The following SLC24A4 variants were observed in gnomAD, a reference collection of about 807,000 sequenced individuals.
SLC24A4 encodes the protein solute carrier family 24 member 4.
Under a neutral mutation model 79.0 loss-of-function variants are expected in SLC24A4, and 53 were observed. That is an observed-to-expected ratio of 0.67 (90% confidence interval 0.54 to 0.84). The LOEUF is 0.84. Among genes scored for constraint, SLC24A4 ranks in the 40% least tolerant of loss-of-function variants. The probability of loss-of-function intolerance (pLI) is 0.00; values close to 1 mark genes in which losing one functional copy is unlikely to be tolerated. For missense variants in SLC24A4, 731 were observed against 822.0 expected, an observed-to-expected ratio of 0.89 and a Z score of 1.35; for synonymous variants, 323 against 323.8, an observed-to-expected ratio of 1.00 and a Z score of 0.03.
At position 92,325,911 on chromosome 14, in the gene SLC24A4, G is replaced by T. The variant is rs941646; in HGVS notation, c.174G>T (p.Thr58=). Residue 58 remains threonine, a synonymous_variant, in exon 2 of 17, where the codon ACG becomes ACT. Transcript: ENST00000532405. The stretch of plus-strand genomic sequence containing the variant: ...CTAGCAAACGTGTCCTGCCAGACAC[G>T]TGGAGAAATAGAAAGTTGATGGCCC... ...ASASKRVLPD[T]WRNRKLMAPV... is the part of the protein sequence containing the mutation. 7 of 1,612,876 alleles carry T rather than the reference G, an allele frequency of 4.3e-6. No homozygotes were observed. The highest frequency in any genetic ancestry group is 5.9e-6 in the Non-Finnish European group (7 of 1,179,512).
At chr14:92,343,089 C>T (rs968936328) in intron 2 of SLC24A4, among the ~76,000 whole-genome samples, 1 of 152,248 alleles carries the variant, frequency 6.6e-6, no homozygotes, top group Non-Finnish European at 1.5e-5. Flanking sequence ...CTGTCCGAGA[C>T]AGCTGCCTGG....
Position 92,325,864 on chromosome 14 carries a change from C to G in SLC24A4, c.131-4C>G. 6.3e-7 allele frequency: 1 copy of G among 1,594,708 alleles called. No homozygotes were observed. The highest frequency in any genetic ancestry group is 2.2e-5 in the East Asian group (1 of 44,810). Reference sequence around the variant, plus strand: ...TGGTATCTGTGACTTATTTTCCAATCCAGGGCACAAAACAGCTTCTGCTAG... The same window carrying G: ...TGGTATCTGTGACTTATTTTCCAATGCAGGGCACAAAACAGCTTCTGCTAG... On this transcript the variant is annotated splice_region_variant and splice_polypyrimidine_tract_variant and intron_variant, in intron 1 of 16. Coordinates refer to ENST00000532405, the MANE Select transcript of SLC24A4 (RefSeq NM_153646.4).
chr14:92,378,430 C>T (rs1431553933), intron 2 of SLC24A4, among the ~76,000 whole-genome samples: 1 of 152,124 alleles, frequency 6.6e-6, no homozygotes, highest in Non-Finnish European at 1.5e-5. Flanking sequence ...TGCATCCTGA[C>T]CAACATTTCT....
intron 12 of SLC24A4, among the ~76,000 whole-genome samples, chr14:92,459,246 C>T (rs1358700343): frequency 1.3e-5 from 2 of 152,196 alleles, no homozygotes; most frequent in Non-Finnish European, 2.9e-5. Flanking sequence ...GGGAGGACCC[C>T]GGACCAGCCA....
Position 92,398,493 on chromosome 14 carries a change from G to T in SLC24A4, c.242-35419G>T, listed in dbSNP as rs1889905268. Among the ~76,000 whole-genome samples the T allele has an allele frequency of 6.6e-6, 1 of 152,086 alleles. No homozygotes were observed. Among genetic ancestry groups the T allele is most frequent in the Admixed American group, 6.5e-5 (1 of 15,272 alleles). On this transcript the variant is annotated intron_variant, in intron 2 of 16. Transcript: ENST00000532405. The surrounding 1 kb of genome is among the most constrained non-coding windows in gnomAD (Gnocchi z 4.1). ...AAGGGAAAGAGTACAGAACAGGGCA[G>T]CCTCCAACGTCTGATGTTATTGACA...
rs1259346985 is a variant in SLC24A4, at chr14:92,491,795, T to G, written c.1650+18T>G. On this transcript the variant is annotated intron_variant, in intron 15 of 16. Transcript: ENST00000532405. Reference sequence around the variant, plus strand: ...GATCAACAGTAAGTTCCTCTCACCTTTAACAGATGTGTTTTACCCAGAAGG... The same window carrying G: ...GATCAACAGTAAGTTCCTCTCACCTGTAACAGATGTGTTTTACCCAGAAGG... 6.3e-7 allele frequency: 1 copy of G among 1,577,854 alleles called. No individual in the cohort carries two copies. Among genetic ancestry groups the G allele is most frequent in the Non-Finnish European group, 8.7e-7 (1 of 1,146,964 alleles).
chr14:92,474,462 T>C (rs1232931556), intron 12 of SLC24A4, among the ~76,000 whole-genome samples: 2 of 152,048 alleles, frequency 1.3e-5, no homozygotes, highest in African/African-American at 4.8e-5. Flanking sequence ...GGCTGACAGC[T>C]CCATGCCACA....
chr14:92,489,021 G>C (rs1275846753), intron 14 of SLC24A4, among the ~76,000 whole-genome samples: 2 of 152,208 alleles, frequency 1.3e-5, no homozygotes, highest in Non-Finnish European at 2.9e-5. Flanking sequence ...TCATCTCAGA[G>C]TGGCTACAGC....
At chr14:92,406,252 C>A (rs1890368508) in intron 2 of SLC24A4, among the ~76,000 whole-genome samples, 1 of 152,260 alleles carries the variant, frequency 6.6e-6, no homozygotes, top group Middle Eastern at 3.2e-3. Flanking sequence ...CTCTGTCCCT[C>A]TGGCTTTGCA....
chr14:92,364,360 A>T (rs1887703910), intron 2 of SLC24A4, among the ~76,000 whole-genome samples: 1 of 152,150 alleles, frequency 6.6e-6, no homozygotes, highest in Admixed American at 6.5e-5. Context: ...AGGGTGGGAA[A>T]GACAGGAGGA....
In SLC24A4 at chr14:92,361,700, A is replaced by C. The variant is rs1157416694; in HGVS notation, c.241+35722A>C. On this transcript the variant is annotated intron_variant, in intron 2 of 16. Transcript: ENST00000532405. ...ACAAACAAAGCAGGGTGATAATTAC[A>C]GAGTGTCGGGAACAGAGAGGTGCGA... Among the ~76,000 whole-genome samples the C allele has an allele frequency of 2.0e-5, 3 of 152,170 alleles. No homozygotes were observed. The East Asian group carries it at 5.8e-4, about 29-fold the overall frequency.
chr14:92,397,587 A>G (rs1452712550), intron 2 of SLC24A4, among the ~76,000 whole-genome samples: 2 of 152,102 alleles, frequency 1.3e-5, no homozygotes, highest in Non-Finnish European at 2.9e-5. Flanking sequence ...ACACAGCGGG[A>G]GGGGCAGTGG....
At chr14:92,406,499 C>T (rs10146787) in intron 2 of SLC24A4, among the ~76,000 whole-genome samples, 1 of 152,016 alleles carries the variant, frequency 6.6e-6, no homozygotes, top group South Asian at 2.1e-4. Flanking sequence ...CCCCTGCAGC[C>T]GACTTCTGCC....
At chr14:92,485,764 C>T (rs1052510366) in intron 13 of SLC24A4, among the ~76,000 whole-genome samples, 1 of 151,934 alleles carries the variant, frequency 6.6e-6, no homozygotes, top group Non-Finnish European at 1.5e-5. Context: ...CAGAAAATAA[C>T]CATATGATTA....
At chr14:92,492,774 G>A (rs1028470844) in intron 16 of SLC24A4, 60 of 441,748 alleles carry the variant, frequency 1.4e-4, no homozygotes, top group Non-Finnish European at 2.4e-4. Flanking sequence ...GCAAAGCTAG[G>A]ATTTGAACCC....
chr14:92,337,103 A>T lies in SLC24A4; in HGVS notation c.241+11125A>T, dbSNP rs534367682. 1.9e-3 allele frequency among the ~76,000 whole-genome samples: 288 copies of T among 151,508 alleles called. 1 individual carries two copies. The highest frequency in any genetic ancestry group is 2.8e-3 in the African/African-American group (114 of 41,276). ...TCAGATTACTTGGATTTTTTTTTTT[A>T]AAAACATGGGGAGGGGGTGGCAGTG... On this transcript the variant is annotated intron_variant, in intron 2 of 16. Coordinates refer to ENST00000532405, the MANE Select transcript of SLC24A4 (RefSeq NM_153646.4).
chr14:92,337,697 CAAT>C (rs1185667572), intron 2 of SLC24A4, among the ~76,000 whole-genome samples: 1 of 152,186 alleles, frequency 6.6e-6, no homozygotes, highest in Non-Finnish European at 1.5e-5. Flanking sequence ...GCCTGCCACT[CAAT>C]AAGAGTGTGT....
intron 2 of SLC24A4, among the ~76,000 whole-genome samples, chr14:92,327,377 G>A (rs1885207440): frequency 6.6e-6 from 1 of 152,148 alleles, no homozygotes; most frequent in Non-Finnish European, 1.5e-5. Flanking sequence ...CTCCCCCAGG[G>A]TGTCTCCTCT....
intron 2 of SLC24A4, among the ~76,000 whole-genome samples, chr14:92,341,378 G>A (rs897937496): frequency 3.3e-5 from 5 of 152,306 alleles, no homozygotes; most frequent in African/African-American, 4.8e-5. Flanking sequence ...TCACTGCCCC[G>A]AAAGGCCTTC....
Sources: gnomAD v4.1 joint callset for allele counts (sites outside exome capture counted in the v4.1 genomes callset) on GRCh38, gnomAD v4.1.1 for gene constraint, Gnocchi (gnomAD v3.1) non-coding constraint, MANE v1.5 for transcripts, NCBI Gene and HGNC (gene_info 2026-07-23, HGNC 2026-07-21) for gene names.